ADAMTS6: variants seen among roughly 807,000 people sequenced by gnomAD.
The protein encoded by ADAMTS6 is A disintegrin and metalloproteinase with thrombospondin motifs 6.
In ADAMTS6, 23 loss-of-function variants were observed where a neutral mutation model predicts 144.3. The observed-to-expected ratio is 0.16, with a 90% CI of 0.11 to 0.23. ADAMTS6 has a LOEUF of 0.23. Among genes scored for constraint, ADAMTS6 ranks in the 10% least tolerant of loss-of-function variants. The pLI is 1.00. For synonymous variants in ADAMTS6, 444 were observed against 457.5 expected (o/e 0.97, Z 0.38); for missense variants, 999 against 1,379.6 (o/e 0.72, Z 4.37).
chr5:65,469,557 CT>C (rs1483127082), intron 3 of ADAMTS6, among the ~76,000 whole-genome samples: 1 of 152,140 alleles, frequency 6.6e-6, no homozygotes, highest in Non-Finnish European at 1.5e-5. Flanking sequence ...AGTCCTAACA[CT>C]GCTTATAGAG....
intron 13 of ADAMTS6, among the ~76,000 whole-genome samples, chr5:65,261,173 TC>T (rs1761165818): frequency 6.6e-6 from 1 of 152,158 alleles, no homozygotes; most frequent in Admixed American, 6.5e-5. Flanking sequence ...AAAACAAATT[TC>T]CATCTTATTT....
chr5:65,302,281 TA>T (rs984226447), intron 9 of ADAMTS6, among the ~76,000 whole-genome samples: 2 of 144,246 alleles, frequency 1.4e-5, no homozygotes, highest in African/African-American at 5.1e-5. Flanking sequence ...AAATTATATA[TA>T]AAATATTAAT....
chr5:65,397,388 AC>A (rs1753434791), intron 7 of ADAMTS6, among the ~76,000 whole-genome samples: 1 of 151,974 alleles, frequency 6.6e-6, no homozygotes, highest in Non-Finnish European at 1.5e-5. Context: ...TTATCTAGTT[AC>A]CTAAAATGGA....
intron 14 of ADAMTS6, among the ~76,000 whole-genome samples, chr5:65,249,416 G>C (rs1759950732): frequency 6.6e-6 from 1 of 151,744 alleles, no homozygotes; most frequent in African/African-American, 2.4e-5. Context: ...TGCATATGTG[G>C]GCAGCCCACC....
chr5:65,319,248 T>C (rs1745299562), intron 9 of ADAMTS6, among the ~76,000 whole-genome samples: 1 of 152,116 alleles, frequency 6.6e-6, no homozygotes, highest in South Asian at 2.1e-4. Flanking sequence ...AGCTGTTAAG[T>C]GCTAATTTTA....
At chr5:65,229,042 A>C (rs535767086) in intron 15 of ADAMTS6, among the ~76,000 whole-genome samples, 1 of 152,350 alleles carries the variant, frequency 6.6e-6, no homozygotes, top group South Asian at 2.1e-4. Flanking sequence ...CAGCAGCCCA[A>C]GCATGCTCCT....
At chr5:65,269,615 G>C (rs1173033782) in intron 12 of ADAMTS6, among the ~76,000 whole-genome samples, 2 of 152,056 alleles carry the variant, frequency 1.3e-5, no homozygotes, top group Non-Finnish European at 2.9e-5. Flanking sequence ...AAAGACCTGG[G>C]CTGAAATGTC....
At chr5:65,303,560 A>G (rs538953754) in intron 9 of ADAMTS6, among the ~76,000 whole-genome samples, 6 of 151,996 alleles carry the variant, frequency 3.9e-5, no homozygotes, top group Non-Finnish European at 7.4e-5. Context: ...TTTCTTTCTG[A>G]TCATAGAAAC....
chr5:65,303,102 A>C (rs1393762408), intron 9 of ADAMTS6, among the ~76,000 whole-genome samples: 1 of 152,160 alleles, frequency 6.6e-6, no homozygotes, highest in Non-Finnish European at 1.5e-5. Context: ...GATTTTAATT[A>C]AACCATATCA....
rs1009271443 is a variant in ADAMTS6, at chr5:65,214,721, C to T, written c.2575+73G>A. 3.1e-6 allele frequency: 5 copies of T among 1,606,666 alleles called. No individual in the cohort carries two copies. The African/African-American group carries it at 6.7e-5, about 21-fold the overall frequency. On this transcript the variant is annotated intron_variant, in intron 20 of 24. Transcript: ENST00000381055. This position sits in a 1 kb window ranked among gnomAD's most constrained non-coding sequence, Gnocchi z 4.6. The stretch of plus-strand genomic sequence containing the variant: ...GTTTCCAATTAGCTTTTTTAACAAA[C>T]ACAAAGCATAGCTCAGAATGTGTTT...
chr5:65,421,913 T>G (rs924101867), intron 7 of ADAMTS6, among the ~76,000 whole-genome samples: 38 of 152,152 alleles, frequency 2.5e-4, no homozygotes, highest in African/African-American at 8.2e-4. Context: ...AAATAATTTA[T>G]GAATAAGACC....
chr5:65,187,887 A>G lies in ADAMTS6; in HGVS notation c.2910+129T>C, dbSNP rs555955838. On this transcript the variant is annotated intron_variant, in intron 22 of 24. Transcript: ENST00000381055. ...TCCTGACAAGCAGCAATAAAATATA[A>G]CATGGTCACTGTTACACAGCCCTTA... 111 of 887,850 alleles carry G rather than the reference A, an allele frequency of 1.3e-4. 1 individual carries two copies. In the African/African-American group the frequency reaches 1.3e-3, roughly 10 times the overall value. The allele number at this position is 887,850 out of a possible 1,614,324, so 55.0% of individuals were successfully genotyped here.
At chr5:65,351,294 C>G (rs894061322) in intron 7 of ADAMTS6, among the ~76,000 whole-genome samples, 2 of 152,192 alleles carry the variant, frequency 1.3e-5, no homozygotes, top group African/African-American at 4.8e-5. Flanking sequence ...TGCTCCATCA[C>G]TTTCAAGTGA....
At chr5:65,292,440 T>A (rs1476414777) in intron 10 of ADAMTS6, among the ~76,000 whole-genome samples, 1 of 151,624 alleles carries the variant, frequency 6.6e-6, no homozygotes, top group Non-Finnish European at 1.5e-5. Context: ...AGGAAAATAA[T>A]TTCACAAGTA....
At chr5:65,348,930 A>C (rs1377253831) in intron 7 of ADAMTS6, among the ~76,000 whole-genome samples, 2 of 151,956 alleles carry the variant, frequency 1.3e-5, no homozygotes, top group Admixed American at 6.6e-5. Flanking sequence ...TGATCAGTCC[A>C]TTTAATGTTA....
At chr5:65,263,339 T>C (rs1761354946) in intron 12 of ADAMTS6, among the ~76,000 whole-genome samples, 1 of 151,708 alleles carries the variant, frequency 6.6e-6, no homozygotes, top group Non-Finnish European at 1.5e-5. Flanking sequence ...TTCACTATTA[T>C]TAGACTCATG....
chr5:65,349,157 A>C (rs528368093), intron 7 of ADAMTS6, among the ~76,000 whole-genome samples: 1 of 152,296 alleles, frequency 6.6e-6, no homozygotes, highest in African/African-American at 2.4e-5. Flanking sequence ...TACATGTTAC[A>C]CATTGCTCAA....
In ADAMTS6 at chr5:65,334,032, A is replaced by AC; in HGVS notation, c.1117+9_1117+10insG. 7.0e-7 allele frequency: 1 copy of AC among 1,438,030 alleles called. No individual in the cohort carries two copies. Among genetic ancestry groups the AC allele is most frequent in the Non-Finnish European group, 9.1e-7 (1 of 1,098,126 alleles). 89.1% of individuals were successfully genotyped at this position (1,438,030 alleles called of 1,614,324 possible). The stretch of plus-strand genomic sequence containing the variant: ...AAAAAAAAAAAAAAAAAAAACCAAA[A>AC]AAAACTTACCCAGTGTTCCACAGGG... On this transcript the variant is annotated intron_variant, in intron 8 of 24. Transcript: ENST00000381055.
chr5:65,225,162 A>G, intron 16 of ADAMTS6, 115 bp from the exon 17 acceptor site: 2 of 1,231,594 alleles, frequency 1.6e-6, no homozygotes, highest in Non-Finnish European at 2.2e-6. Flanking sequence ...AAAGAAAAAT[A>G]AGGTAATCCG....
Sources: allele counts gnomAD v4.1 joint callset (sites outside exome capture counted in the v4.1 genomes callset), GRCh38; gene constraint gnomAD v4.1.1; non-coding constraint Gnocchi (gnomAD v3.1); transcripts MANE v1.5; gene names NCBI Gene and HGNC (gene_info 2026-07-23, HGNC 2026-07-21).